UBE2D2: variants seen among roughly 807,000 people sequenced by gnomAD.
UBE2D2 encodes the protein ubiquitin-conjugating enzyme E2 D2.
A neutral mutation model predicts 24.2 loss-of-function variants in UBE2D2; 2 were observed. That is an observed-to-expected ratio of 0.08 (90% confidence interval 0.03 to 0.26). UBE2D2 has a LOEUF of 0.26. Among genes scored for constraint, UBE2D2 ranks in the 10% least tolerant of loss-of-function variants. The pLI, the probability that UBE2D2 is intolerant of heterozygous loss-of-function variation, is 1.00. For synonymous variants in UBE2D2, 58 were observed against 56.5 expected (o/e 1.03, Z -0.12); for missense variants, 44 against 177.6 (o/e 0.25, Z 4.28).
intron 1 of UBE2D2, among the ~76,000 whole-genome samples, chr5:139,549,948 C>T (rs1405053457): frequency 2.0e-5 from 3 of 152,102 alleles, no homozygotes; most frequent in African/African-American, 7.2e-5. Context: ...CTTGGAGAAA[C>T]TTTATGTCTA....
intron 2 of UBE2D2, among the ~76,000 whole-genome samples, chr5:139,606,415 G>A (rs1267832548): frequency 6.6e-6 from 1 of 151,920 alleles, no homozygotes; most frequent in Non-Finnish European, 1.5e-5. Context: ...CACCCACCTC[G>A]GCCTCCCAAA....
intron 1 of UBE2D2, among the ~76,000 whole-genome samples, chr5:139,544,439 C>T (rs1377572183): frequency 6.6e-6 from 1 of 151,516 alleles, no homozygotes; most frequent in East Asian, 2.0e-4. Context: ...CAGGCGTCCA[C>T]CACAATGCTC....
chr5:139,553,476 C>T (rs937206583), intron 1 of UBE2D2, among the ~76,000 whole-genome samples: 1 of 152,124 alleles, frequency 6.6e-6, no homozygotes, highest in African/African-American at 2.4e-5. Context: ...TGTGGGAACA[C>T]CTTTGCCAAG....
chr5:139,571,844 C>G (rs553709238), intron 1 of UBE2D2, among the ~76,000 whole-genome samples: 18 of 151,330 alleles, frequency 1.2e-4, no homozygotes, highest in Admixed American at 1.1e-3. Context: ...TTTTTGCTCT[C>G]CGGTAATTGT....
chr5:139,590,029 C>A (rs1030927528), intron 1 of UBE2D2, among the ~76,000 whole-genome samples: 2 of 152,116 alleles, frequency 1.3e-5, no homozygotes, highest in Non-Finnish European at 1.5e-5. Flanking sequence ...TGTGGTCCGT[C>A]CTCCTTGGCC....
intron 1 of UBE2D2, among the ~76,000 whole-genome samples, chr5:139,562,834 GTT>G (rs560438077): frequency 1.3e-5 from 2 of 151,594 alleles, no homozygotes; most frequent in Non-Finnish European, 2.9e-5. Flanking sequence ...CCACTTTCAT[GTT>G]TTTTTTCTTA....
intron 1 of UBE2D2, among the ~76,000 whole-genome samples, chr5:139,577,966 G>T (rs556195022): frequency 6.6e-6 from 1 of 152,166 alleles, no homozygotes; most frequent in African/African-American, 2.4e-5. Context: ...AGATCCTTGC[G>T]CAAATGCCAG....
chr5:139,586,794 CTA>C (rs1430643510), intron 1 of UBE2D2, among the ~76,000 whole-genome samples: 1 of 152,060 alleles, frequency 6.6e-6, no homozygotes, highest in African/African-American at 2.4e-5. Context: ...TTTAAAATGT[CTA>C]TAGTTTTTTG....
At chr5:139,587,641 C>G (rs929915399) in intron 1 of UBE2D2, among the ~76,000 whole-genome samples, 5 of 147,612 alleles carry the variant, frequency 3.4e-5, no homozygotes, top group African/African-American at 1.3e-4. Flanking sequence ...CCACTGCACT[C>G]CAGCCTGGCC....
intron 2 of UBE2D2, among the ~76,000 whole-genome samples, chr5:139,613,118 A>G (rs356428): frequency 0.21 from 31,837 of 152,118 alleles, 3,483 homozygotes; most frequent in South Asian, 0.31. Context: ...AGCAATTCCT[A>G]TCCTTTACCT....
chr5:139,609,614 G>A (rs974119697), intron 2 of UBE2D2, among the ~76,000 whole-genome samples: 9 of 149,800 alleles, frequency 6.0e-5, no homozygotes, highest in African/African-American at 2.2e-4. Context: ...CAGGTGATCC[G>A]CTCGCCTCGG....
At chr5:139,551,981 C>T (rs1752925609) in intron 1 of UBE2D2, among the ~76,000 whole-genome samples, 1 of 152,112 alleles carries the variant, frequency 6.6e-6, no homozygotes, top group African/African-American at 2.4e-5. Flanking sequence ...GAACACATCC[C>T]AAATCTAATT....
rs1369131525 is a variant in UBE2D2, at chr5:139,627,083, T to G, written c.*282T>G. The G allele has an allele frequency of 1.2e-5, 4 of 336,482 alleles. No homozygotes were observed. The highest frequency in any genetic ancestry group is 4.7e-5 in the Admixed American group (1 of 21,198). The allele number at this position is 336,482 out of a possible 1,614,324, so 20.8% of individuals were successfully genotyped here. ...GTGTGAGACTAAAAGCTTTTCTTATTGACTTAAATTTGGATAACAGCAAGG... is the reference window on the plus strand; with the variant it reads ...GTGTGAGACTAAAAGCTTTTCTTATGGACTTAAATTTGGATAACAGCAAGG... On this transcript the variant is annotated 3_prime_UTR_variant, in exon 7 of 7. Coordinates refer to ENST00000398733, the MANE Select transcript of UBE2D2 (RefSeq NM_003339.3).
chr5:139,540,942 G>A (rs1050737341), intron 1 of UBE2D2, among the ~76,000 whole-genome samples: 3 of 149,866 alleles, frequency 2.0e-5, no homozygotes, highest in Non-Finnish European at 4.5e-5. Flanking sequence ...GCAGTGAGCC[G>A]AGATCGTGCC....
chr5:139,590,795 T>C (rs1425071450), intron 1 of UBE2D2, among the ~76,000 whole-genome samples: 1 of 128,006 alleles, frequency 7.8e-6, no homozygotes, highest in Non-Finnish European at 1.6e-5. Flanking sequence ...TTTTTTTTTT[T>C]TTTTTTTTTT....
At chr5:139,562,543 G>A (rs974518245) in intron 1 of UBE2D2, 1 of 953,388 alleles carries the variant, frequency 1.0e-6, no homozygotes, top group Non-Finnish European at 1.4e-6. Flanking sequence ...CAAAGGTAGA[G>A]GTAGAAACCT....
At position 139,539,275 on chromosome 5, in the gene UBE2D2, G is replaced by A. The variant is rs146302095; in HGVS notation, c.-64+12663G>A. The stretch of plus-strand genomic sequence containing the variant: ...CCTGACCTCATGATCCACTTGCCTC[G>A]GCCTCCCAAAGTGCTAGGATTACAG... On this transcript the variant is annotated intron_variant, in intron 1 of 6. Coordinates refer to the UBE2D2 transcript ENST00000511725. 3.6e-3 allele frequency among the ~76,000 whole-genome samples: 546 copies of A among 152,020 alleles called. 2 individuals are homozygous for A. Among genetic ancestry groups the A allele is most frequent in the Middle Eastern group, 0.014 (4 of 292 alleles).
chr5:139,565,950 G>A (rs887832042), intron 1 of UBE2D2, among the ~76,000 whole-genome samples: 36 of 151,882 alleles, frequency 2.4e-4, no homozygotes, highest in African/African-American at 8.0e-4. Flanking sequence ...TGCAGATAAC[G>A]TTTGGCATAC....
At chr5:139,584,525 TTTC>T (rs1201707765) in intron 1 of UBE2D2, among the ~76,000 whole-genome samples, 3 of 132,032 alleles carry the variant, frequency 2.3e-5, no homozygotes, top group East Asian at 1.9e-4. Flanking sequence ...TCTTTTTTCT[TTTC>T]TTTTCTTTTT....
Sources: gnomAD v4.1 joint callset for allele counts (sites outside exome capture counted in the v4.1 genomes callset) on GRCh38, gnomAD v4.1.1 for gene constraint, MANE v1.5 for transcripts, NCBI Gene and HGNC (gene_info 2026-07-23, HGNC 2026-07-21) for gene names.